KCTD13: variants seen among roughly 807,000 people sequenced by gnomAD.
KCTD13 encodes potassium channel tetramerization domain containing 13, also known as BTB/POZ domain-containing adapter for CUL3-mediated RhoA degradation protein 1.
In KCTD13, 15 loss-of-function variants were observed where a neutral mutation model predicts 32.3. The ratio of observed to expected loss-of-function variants is 0.46; its 90% CI spans 0.31 to 0.71. The LOEUF is 0.71. KCTD13 is among the 30% of genes least tolerant of loss of function. The pLI is 0.05. For synonymous variants in KCTD13, 189 were observed against 200.1 expected (o/e 0.94, Z 0.47); for missense variants, 337 against 452.6 (o/e 0.74, Z 2.32).
In KCTD13 at chr16:29,911,033, A is replaced by G. The variant is rs1312208732; in HGVS notation, c.698T>C (p.Ile233Thr). ...AATGGAGGTGCAGCACACCTCGGCG[A>G]TTTTGCGGCCCTGCCCGTAGAAAGA... ...CWSFYGQGRKIAEVCCTSIVY... is the reference protein window; with the variant it reads ...CWSFYGQGRKTAEVCCTSIVY... Residue 233 changes from isoleucine to threonine, a missense_variant, in exon 5 of 6, where the codon ATC becomes ACC. Physicochemically the swap from Ile to Thr is moderately conservative, Grantham distance 89 (BLOSUM62 -1). Around this residue, in one of 3 missense-constraint regions of KCTD13, gnomAD observed 252 missense variants for 340.2 expected, o/e 0.74. Coordinates refer to ENST00000568000, the MANE Select transcript of KCTD13 (RefSeq NM_178863.5). The G allele has an allele frequency of 1.2e-6, 2 of 1,613,836 alleles. No homozygotes were observed. Among genetic ancestry groups the G allele is most frequent in the Non-Finnish European group, 1.7e-6 (2 of 1,179,980 alleles).
intron 2 of KCTD13, chr16:29,914,085 C>T (rs1055631352): frequency 6.6e-6 from 1 of 152,392 alleles, no homozygotes; most frequent in Middle Eastern, 3.4e-3. Context: ...TCGCCTCAGC[C>T]TCCCAAAGTG....
At chr16:29,924,720 CTTT>C (rs1214482858) in intron 1 of KCTD13, among the ~76,000 whole-genome samples, 3 of 135,948 alleles carry the variant, frequency 2.2e-5, no homozygotes, top group African/African-American at 2.8e-5. Flanking sequence ...GAATTCTTCC[CTTT>C]TTTTTTTTTT....
At chr16:29,923,673 C>A (rs147878455) in intron 1 of KCTD13, among the ~76,000 whole-genome samples, 2 of 151,800 alleles carry the variant, frequency 1.3e-5, no homozygotes, top group African/African-American at 4.8e-5. Context: ...ACTAGCAGGA[C>A]CAACACGGAG....
intron 2 of KCTD13, chr16:29,914,435 C>CTTTTT (rs765793348): frequency 7.4e-6 from 1 of 135,112 alleles, no homozygotes; most frequent in African/African-American, 2.8e-5. Context: ...AAGTGCATTT[C>CTTTTT]TTTTTTTTTT....
chr16:29,908,606 G>A (rs1336960559), intron 5 of KCTD13, among the ~76,000 whole-genome samples: 3 of 151,286 alleles, frequency 2.0e-5, no homozygotes, highest in Non-Finnish European at 2.9e-5. Flanking sequence ...GGCTGGTCTC[G>A]AACTCCTGAC....
intron 2 of KCTD13, among the ~76,000 whole-genome samples, chr16:29,917,379 G>C (rs1202453399): frequency 2.0e-5 from 3 of 152,146 alleles, no homozygotes; most frequent in African/African-American, 7.2e-5. Flanking sequence ...AGGTATAGCG[G>C]ATCACACCTG....
At chr16:29,922,717 TA>T (rs1209254355) in intron 2 of KCTD13, 10,075 of 270,348 alleles carry the variant, frequency 0.037, no homozygotes, top group East Asian at 0.066. Context: ...TTTCACTGTT[TA>T]AAAAAAAAAA....
intron 5 of KCTD13, among the ~76,000 whole-genome samples, chr16:29,909,290 A>G (rs889295683): frequency 5.3e-5 from 8 of 152,216 alleles, no homozygotes; most frequent in Non-Finnish European, 1.2e-4. Context: ...GGTGACCCAA[A>G]GAAAGTGATG....
At chr16:29,913,191 C>T (rs1377927348) in intron 2 of KCTD13, 2 of 147,242 alleles carry the variant, frequency 1.4e-5, no homozygotes, top group Non-Finnish European at 3.0e-5. Context: ...GGCATGACCA[C>T]AGCTTACAGC....
At chr16:29,911,711 T>A in intron 4 of KCTD13, 104 bp downstream of exon 4, 1 of 1,240,794 alleles carries the variant, frequency 8.1e-7, no homozygotes, top group Admixed American at 2.0e-5. Flanking sequence ...CAGGCACAGA[T>A]GTTCTTGTAG....
rs1232576149 is a variant in KCTD13, at chr16:29,925,969, G to A, written c.65C>T (p.Ser22Leu). ...AAPSLEAPKP[S>L]GLEPGPAAYG... ...GGCGGCGGGGCCAGGCTCGAGACCCGAGGGCTTGGGGGCTTCCAGGGACGG... is the reference window on the plus strand; with the variant it reads ...GGCGGCGGGGCCAGGCTCGAGACCCAAGGGCTTGGGGGCTTCCAGGGACGG... Residue 22 changes from serine to leucine, a missense_variant, in exon 1 of 6, where the codon TCG (serine) becomes TTG (leucine). Physicochemically the swap from Ser to Leu is moderately radical, Grantham distance 145 (BLOSUM62 -2). Around this residue, in one of 3 missense-constraint regions of KCTD13, gnomAD observed 64 missense variants for 59.6 expected, o/e 1.07. Transcript: ENST00000568000. 1 of 1,612,350 alleles carries A rather than the reference G, an allele frequency of 6.2e-7. No homozygotes were observed. The highest frequency in any genetic ancestry group is 1.3e-5 in the African/African-American group (1 of 74,868).
intron 5 of KCTD13, among the ~76,000 whole-genome samples, chr16:29,908,628 C>T (rs1353769430): frequency 6.6e-6 from 1 of 151,866 alleles, no homozygotes; most frequent in Non-Finnish European, 1.5e-5. Context: ...TCGTGATCTG[C>T]CCGCCTCAGC....
In KCTD13 at chr16:29,911,868, C is replaced by A. The variant is rs780213411; in HGVS notation, c.505-1G>T. 6.2e-7 allele frequency: 1 copy of A among 1,612,160 alleles called. No homozygotes were observed. Among genetic ancestry groups the A allele is most frequent in the Admixed American group, 1.7e-5 (1 of 59,774 alleles). ...GGTTGTGCAGGAGCTTCACCACGGG[C>A]TGGCGGGGGAGAGAGGATGGACGAG... is the stretch of plus-strand genomic sequence containing the variant. On this transcript the variant is annotated splice_acceptor_variant, in intron 3 of 5. Coordinates refer to ENST00000568000, the MANE Select transcript of KCTD13 (RefSeq NM_178863.5). LOFTEE classifies it high-confidence loss of function.
At chr16:29,910,299 G>A (rs1187868101) in intron 5 of KCTD13, among the ~76,000 whole-genome samples, 3 of 152,022 alleles carry the variant, frequency 2.0e-5, no homozygotes, top group Non-Finnish European at 4.4e-5. Flanking sequence ...TGGGGAGGCT[G>A]AGGCAGAAGA....
intron 2 of KCTD13, chr16:29,915,068 G>A (rs569821819): frequency 2.0e-5 from 3 of 152,236 alleles, no homozygotes; most frequent in African/African-American, 7.2e-5. Flanking sequence ...TCCAGTTGGA[G>A]AAATGCTAGG....
intron 2 of KCTD13, 183 bp from the exon 3 acceptor site, chr16:29,912,232 C>T (rs1009219621): frequency 5.1e-5 from 32 of 626,736 alleles, no homozygotes; most frequent in Non-Finnish European, 7.0e-5. Context: ...CTTGGTCCCA[C>T]GGACACCTTG....
At chr16:29,912,290 C>T (rs541762589) in intron 2 of KCTD13, 1 of 566,440 alleles carries the variant, frequency 1.8e-6, no homozygotes, top group South Asian at 2.3e-5. Flanking sequence ...TGGCTGTGCC[C>T]CTGCCCGGGA....
intron 1 of KCTD13, among the ~76,000 whole-genome samples, chr16:29,924,150 G>T (rs568909260): frequency 6.7e-6 from 1 of 148,894 alleles, no homozygotes; most frequent in Non-Finnish European, 1.5e-5. Context: ...CTCCAGCCTG[G>T]GCAACAAGAG....
Position 29,910,983 on chromosome 16 carries a change from T to A in KCTD13, c.748A>T (p.Thr250Ser). 1 of 1,613,822 alleles carries A rather than the reference T, an allele frequency of 6.2e-7. No individual in the cohort carries two copies. The highest frequency in any genetic ancestry group is 8.5e-7 in the Non-Finnish European group (1 of 1,179,840). ...GGCTCTGGAGCCCCTCTGACCTTGG[T>A]CTGCTTCTTCTCCGTAGCATAGACA... ...SIVYATEKKQ[T>S]KVEFPEARIF... Residue 250 changes from threonine (T) to serine (S), a missense_variant, in exon 5 of 6, where the codon ACC (threonine) becomes TCC (serine). Physicochemically the swap from Thr to Ser is moderately conservative, Grantham distance 58 (BLOSUM62 1). Around this residue, in one of 3 missense-constraint regions of KCTD13, gnomAD observed 252 missense variants for 340.2 expected, o/e 0.74. Transcript: ENST00000568000.
Sources: gnomAD v4.1 joint callset for allele counts (sites outside exome capture counted in the v4.1 genomes callset) on GRCh38, gnomAD v4.1.1 for gene constraint, gnomAD v4.1.1 regional missense constraint, MANE v1.5 for transcripts, NCBI Gene and HGNC (gene_info 2026-07-23, HGNC 2026-07-21) for gene names.